NDST4: variants seen among roughly 807,000 people sequenced by gnomAD.
NDST4 encodes N-deacetylase and N-sulfotransferase 4.
NDST4 carries 63 observed loss-of-function variants against 100.8 expected under a neutral mutation model. The ratio of observed to expected loss-of-function variants is 0.62; its 90% CI spans 0.51 to 0.77. NDST4 has a LOEUF of 0.77. NDST4 is among the 30% of genes least tolerant of loss of function. The probability of loss-of-function intolerance (pLI) is 0.00; values close to 1 mark genes in which losing one functional copy is unlikely to be tolerated. For synonymous variants in NDST4, 377 were observed against 361.8 expected (o/e 1.04, Z -0.48); for missense variants, 943 against 1,018.4 (o/e 0.93, Z 1.01).
At chr4:114,923,158 A>C (rs974811696) in intron 6 of NDST4, among the ~76,000 whole-genome samples, 4 of 152,206 alleles carry the variant, frequency 2.6e-5, no homozygotes, top group African/African-American at 9.6e-5. Flanking sequence ...TACATACTCC[A>C]TATCATATCT....
At chr4:114,883,043 C>A (rs72681403) in intron 6 of NDST4, among the ~76,000 whole-genome samples, 11,220 of 151,364 alleles carry the variant, frequency 0.074, 487 homozygotes, top group East Asian at 0.13. Context: ...CACAGAAAAA[C>A]AAAAAACAGG....
chr4:115,027,085 G>C (rs928333229), intron 2 of NDST4, among the ~76,000 whole-genome samples: 1 of 152,102 alleles, frequency 6.6e-6, no homozygotes, highest in Non-Finnish European at 1.5e-5. Flanking sequence ...GTGTTCATGG[G>C]TTCTTTGAAG....
At chr4:115,023,937 T>C (rs1341817303) in intron 2 of NDST4, among the ~76,000 whole-genome samples, 1 of 151,474 alleles carries the variant, frequency 6.6e-6, no homozygotes, top group East Asian at 1.9e-4. Flanking sequence ...GCCATTCCAG[T>C]GCAATGCTTC....
chr4:114,881,183 G>A (rs1039138667), intron 6 of NDST4, among the ~76,000 whole-genome samples: 3 of 152,078 alleles, frequency 2.0e-5, no homozygotes, highest in African/African-American at 7.2e-5. Context: ...AGTGTCTTAT[G>A]AAGAAGAGTG....
chr4:115,057,497 T>C (rs998013281), intron 2 of NDST4, among the ~76,000 whole-genome samples: 1 of 152,072 alleles, frequency 6.6e-6, no homozygotes, highest in Non-Finnish European at 1.5e-5. Flanking sequence ...ATGAGCGGCC[T>C]GCAGAAAAAT....
At chr4:115,023,727 T>A (rs150156310) in intron 2 of NDST4, among the ~76,000 whole-genome samples, 1 of 152,064 alleles carries the variant, frequency 6.6e-6, no homozygotes, top group African/African-American at 2.4e-5. Context: ...TAGCCATCCA[T>A]CATTTGCTAA....
intron 2 of NDST4, among the ~76,000 whole-genome samples, chr4:114,980,825 T>C (rs1159800773): frequency 6.6e-6 from 1 of 152,110 alleles, no homozygotes; most frequent in Non-Finnish European, 1.5e-5. Context: ...AGAATAAATA[T>C]GTAACTTATT....
At chr4:114,948,849 G>T (rs1350539170) in intron 4 of NDST4, among the ~76,000 whole-genome samples, 3 of 151,868 alleles carry the variant, frequency 2.0e-5, no homozygotes, top group Admixed American at 1.3e-4. Flanking sequence ...AAAGTATAAA[G>T]GACACCATCA....
intron 1 of NDST4, among the ~76,000 whole-genome samples, chr4:115,102,922 G>T (rs747164856): frequency 1.6e-4 from 24 of 151,722 alleles, no homozygotes; most frequent in Admixed American, 9.2e-4. Context: ...TTGGCAGGCT[G>T]GTCTGGAACT....
intron 4 of NDST4, among the ~76,000 whole-genome samples, chr4:114,961,236 C>T (rs535745578): frequency 1.5e-3 from 224 of 151,642 alleles, no homozygotes; most frequent in African/African-American, 5.1e-3. Flanking sequence ...CTGTAAAATG[C>T]CTTTATTAAA....
At chr4:115,100,808 T>C (rs1301474018) in intron 1 of NDST4, among the ~76,000 whole-genome samples, 1 of 9,128 alleles carries the variant, frequency 1.1e-4, no homozygotes, top group African/African-American at 2.0e-3. Context: ...TTCACTCCTT[T>C]TTTTTTTTTT....
chr4:115,017,657 T>C (rs1452693415), intron 2 of NDST4, among the ~76,000 whole-genome samples: 1 of 152,038 alleles, frequency 6.6e-6, no homozygotes, highest in Non-Finnish European at 1.5e-5. Context: ...AAGGAATATA[T>C]ATTAAAACAT....
chr4:115,026,235 TCA>T (rs1286584827), intron 2 of NDST4, among the ~76,000 whole-genome samples: 1 of 152,080 alleles, frequency 6.6e-6, no homozygotes, highest in Non-Finnish European at 1.5e-5. Flanking sequence ...TAAAAAGCTC[TCA>T]AAAAATGTGT....
chr4:115,084,546 T>G (rs1729369804), intron 1 of NDST4, among the ~76,000 whole-genome samples: 1 of 152,070 alleles, frequency 6.6e-6, no homozygotes, highest in African/African-American at 2.4e-5. Flanking sequence ...AAAAATGGAT[T>G]CATGCACCAG....
At chr4:114,849,941 A>T (rs952846336) in intron 8 of NDST4, among the ~76,000 whole-genome samples, 8 of 152,226 alleles carry the variant, frequency 5.3e-5, no homozygotes, top group African/African-American at 1.9e-4. Context: ...ATATAACAGG[A>T]GTTTAAAAAC....
Position 114,870,858 on chromosome 4 carries a change from C to T in NDST4, c.1629G>A (p.Trp543Ter). 1 of 1,613,114 alleles carries T rather than the reference C, an allele frequency of 6.2e-7. No individual in the cohort carries two copies. The highest frequency in any genetic ancestry group is 8.5e-7 in the Non-Finnish European group (1 of 1,179,408). ...GCAGAGTTTGCAATTTCAGGTTGGT[C>T]CAGCTCTGCACAAAGTTGACCAAGT... Reference protein sequence around the residue: ...FVNLVNFVQSWTNLKLQTLPP... With the variant: ...FVNLVNFVQS Residue 543 changes from tryptophan (W) to a stop codon, truncating the protein, a stop_gained, in exon 7 of 14, where the codon TGG becomes TGA. Transcript: ENST00000264363. LOFTEE classifies it high-confidence loss of function.
rs1724135080 is a variant in NDST4 at position 114,870,909 on chromosome 4, G to A, written c.1578C>T (p.Asp526=). Residue 526 remains aspartate (D), a synonymous_variant, in exon 7 of 14, where the codon GAC becomes GAT. Transcript: ENST00000264363. ...TCACAAAGGTATATAACCCTAGGCG[G>A]TCATTTCCATAGTTTGATAAATGGG... ...FMTHLSNYGN[D]RLGLYTFVNL... is the part of the protein sequence containing the mutation. 6.2e-7 allele frequency: 1 copy of A among 1,609,678 alleles called. No individual in the cohort carries two copies. Among genetic ancestry groups the A allele is most frequent in the African/African-American group, 1.3e-5 (1 of 74,570 alleles).
rs1560817093 is a variant in NDST4, at chr4:114,929,108, CCA to C, written c.1536+6096_1536+6097del. Among the ~76,000 whole-genome samples, 470 of 122,036 alleles carry C rather than the reference CCA, an allele frequency of 3.9e-3. 2 individuals are homozygous for C. The highest frequency in any genetic ancestry group is 5.8e-3 in the South Asian group (24 of 4,156). The allele number at this position is 122,036 out of a possible 152,430, so 80.1% of individuals were successfully genotyped here. ...TCCATCCATCCATCCATCCATCCAT[CCA>C]TCCATCTATCTATCTATCTATCTAT... On this transcript the variant is annotated intron_variant, in intron 6 of 13. Transcript: ENST00000264363.
At chr4:114,839,731 A>C (rs1007000087) in intron 10 of NDST4, among the ~76,000 whole-genome samples, 183 bp from the exon 11 acceptor site, 2 of 152,210 alleles carry the variant, frequency 1.3e-5, no homozygotes, top group African/African-American at 2.4e-5. Flanking sequence ...AAACTAATGA[A>C]ATGAAATAGA....
Sources: allele counts gnomAD v4.1 joint callset (sites outside exome capture counted in the v4.1 genomes callset), GRCh38; gene constraint gnomAD v4.1.1; transcripts MANE v1.5; gene names NCBI Gene and HGNC (gene_info 2026-07-23, HGNC 2026-07-21).